Variants in NCAM2 observed in about 807,000 individuals in gnomAD.
NCAM2 encodes N-CAM-2.
A neutral mutation model predicts 98.1 loss-of-function variants in NCAM2; 30 were observed. That is an observed-to-expected ratio of 0.31 (90% CI 0.23 to 0.41). The LOEUF (loss-of-function observed/expected upper bound fraction) is 0.41, where lower values mean the gene tolerates loss of function less well. NCAM2 is among the 10% of genes least tolerant of loss of function. The probability of loss-of-function intolerance (pLI) is 1.00; values close to 1 mark genes in which losing one functional copy is unlikely to be tolerated. For missense variants in NCAM2, 867 were observed against 1,005.8 expected (o/e 0.86, Z 1.87); for synonymous variants, 368 against 342.4 (o/e 1.07, Z -0.83).
intron 9 of NCAM2, among the ~76,000 whole-genome samples, chr21:21,382,983 G>T (rs190861930): frequency 2.6e-5 from 4 of 151,980 alleles, no homozygotes; most frequent in African/African-American, 9.7e-5. Flanking sequence ...GATAAGCAAA[G>T]CTGCTCTAAA....
intron 1 of NCAM2, among the ~76,000 whole-genome samples, chr21:21,263,458 A>G (rs1447151725): frequency 6.6e-6 from 1 of 152,122 alleles, no homozygotes; most frequent in Non-Finnish European, 1.5e-5. Context: ...CTACAAATTC[A>G]ATGAAATTCA....
intron 1 of NCAM2, among the ~76,000 whole-genome samples, chr21:21,279,586 T>A (rs1034022062): frequency 1.3e-5 from 2 of 152,194 alleles, no homozygotes; most frequent in South Asian, 4.1e-4. Context: ...CTCAAACTCC[T>A]GACCTTGTGA....
intron 1 of NCAM2, among the ~76,000 whole-genome samples, chr21:21,112,764 TAGG>T (rs1382728560): frequency 6.6e-6 from 1 of 152,206 alleles, no homozygotes; most frequent in Non-Finnish European, 1.5e-5. Flanking sequence ...CAGATTATTA[TAGG>T]AGATTAGTCA....
chr21:21,136,466 T>C (rs903823908), intron 1 of NCAM2, among the ~76,000 whole-genome samples: 2 of 46,870 alleles, frequency 4.3e-5, no homozygotes, highest in Non-Finnish European at 8.6e-5. Flanking sequence ...ATTTATCTCT[T>C]TTTTTTTTTT....
intron 16 of NCAM2, among the ~76,000 whole-genome samples, chr21:21,524,738 G>C (rs530906643): frequency 6.6e-6 from 1 of 151,980 alleles, no homozygotes; most frequent in Non-Finnish European, 1.5e-5. Flanking sequence ...GCCTAGAATA[G>C]GCACCAAGAT....
At chr21:21,437,900 T>C (rs1569063784) in intron 12 of NCAM2, among the ~76,000 whole-genome samples, 1 of 140,394 alleles carries the variant, frequency 7.1e-6, no homozygotes, top group East Asian at 2.1e-4. Context: ...GAATACATAT[T>C]TAAAGCACAT....
intron 1 of NCAM2, among the ~76,000 whole-genome samples, chr21:21,019,474 C>T (rs1478649544): frequency 6.6e-6 from 1 of 152,094 alleles, no homozygotes; most frequent in Non-Finnish European, 1.5e-5. Context: ...GTGAGGTCTT[C>T]TGCAAGTCAT....
At chr21:21,149,574 AC>A (rs1408507649) in intron 1 of NCAM2, among the ~76,000 whole-genome samples, 1 of 141,450 alleles carries the variant, frequency 7.1e-6, no homozygotes, top group Non-Finnish European at 1.5e-5. Flanking sequence ...CTTGCCCCCC[AC>A]CCCCCGACAG....
intron 16 of NCAM2, among the ~76,000 whole-genome samples, chr21:21,528,989 G>T (rs372102279): frequency 6.6e-6 from 1 of 152,156 alleles, no homozygotes; most frequent in African/African-American, 2.4e-5. Context: ...TACAAAAAAC[G>T]AGTGAAATTT....
At chr21:21,085,984 T>G (rs1041868077) in intron 1 of NCAM2, among the ~76,000 whole-genome samples, 1 of 152,208 alleles carries the variant, frequency 6.6e-6, no homozygotes, top group Admixed American at 6.5e-5. Context: ...CTTTCAGATT[T>G]AACTTAATGT....
At chr21:21,387,091 G>T (rs1423341535) in intron 9 of NCAM2, among the ~76,000 whole-genome samples, 1 of 151,908 alleles carries the variant, frequency 6.6e-6, no homozygotes, top group South Asian at 2.1e-4. Context: ...GGGGCTATAA[G>T]TTGGAGATTA....
chr21:21,031,864 TGTAAAA>T (rs1031256608), intron 1 of NCAM2, among the ~76,000 whole-genome samples: 3 of 152,076 alleles, frequency 2.0e-5, no homozygotes, highest in Non-Finnish European at 2.9e-5. Flanking sequence ...TGTCTTTATT[TGTAAAA>T]GTAAAAGTTA....
intron 1 of NCAM2, among the ~76,000 whole-genome samples, chr21:21,132,751 G>T (rs1267970761): frequency 6.6e-6 from 1 of 151,978 alleles, no homozygotes; most frequent in Non-Finnish European, 1.5e-5. Flanking sequence ...TTTTATTATG[G>T]AATATAAAAC....
intron 1 of NCAM2, among the ~76,000 whole-genome samples, chr21:21,246,616 TC>T (rs1457191068): frequency 6.6e-6 from 1 of 152,196 alleles, no homozygotes; most frequent in Non-Finnish European, 1.5e-5. Context: ...TGCATATAAA[TC>T]TGTGAGCTTT....
chr21:21,051,267 AG>A (rs2065102952), intron 1 of NCAM2, among the ~76,000 whole-genome samples: 1 of 3,550 alleles, frequency 2.8e-4, no homozygotes, highest in African/African-American at 3.6e-4. Flanking sequence ...CCATGAAGCT[AG>A]CTAGCCAAGA....
chr21:21,483,538 A>T (rs78102081), intron 15 of NCAM2, among the ~76,000 whole-genome samples: 15,155 of 152,134 alleles, frequency 0.1, 865 homozygotes, highest in Middle Eastern at 0.2. Flanking sequence ...AGATAATTCA[A>T]CATGAACAGA....
chr21:21,299,086 A>C (rs2073607887), intron 5 of NCAM2, among the ~76,000 whole-genome samples: 1 of 151,704 alleles, frequency 6.6e-6, no homozygotes, highest in African/African-American at 2.4e-5. Context: ...ATTTCATAGA[A>C]TCAATCAGTA....
intron 1 of NCAM2, among the ~76,000 whole-genome samples, chr21:21,178,448 TTTA>T (rs2068365255): frequency 6.6e-6 from 1 of 152,086 alleles, no homozygotes; most frequent in South Asian, 2.1e-4. Flanking sequence ...ATTTTTAATT[TTTA>T]TATAAATGGT....
At chr21:21,216,665 C>G (rs1293904108) in intron 1 of NCAM2, among the ~76,000 whole-genome samples, 3 of 152,150 alleles carry the variant, frequency 2.0e-5, no homozygotes, top group Admixed American at 1.3e-4. Flanking sequence ...TTCTCTCTAG[C>G]TTATCAATTA....
Sources: gnomAD v4.1 joint callset for allele counts (sites outside exome capture counted in the v4.1 genomes callset) on GRCh38, gnomAD v4.1.1 for gene constraint, MANE v1.5 for transcripts, NCBI Gene and HGNC (gene_info 2026-07-23, HGNC 2026-07-21) for gene names.